Variants in MEPCE observed in about 807,000 individuals in gnomAD.
The protein encoded by MEPCE is methylphosphate capping enzyme.
MEPCE carries 9 observed loss-of-function variants against 52.3 expected under a neutral mutation model. The observed-to-expected ratio is 0.17, with a 90% CI of 0.10 to 0.30. The LOEUF (loss-of-function observed/expected upper bound fraction) is 0.30. Among genes scored for constraint, MEPCE ranks in the 10% least tolerant of loss-of-function variants. The pLI, the probability that MEPCE is intolerant of heterozygous loss-of-function variation, is 1.00. For missense variants in MEPCE, 826 were observed against 933.0 expected (o/e 0.89, Z 1.49); for synonymous variants, 477 against 401.6 (o/e 1.19, Z -2.25).
At chr7:100,433,184 A>C (rs1479889103) in intron 2 of MEPCE, 47 bp downstream of exon 2, 4 of 1,613,004 alleles carry the variant, frequency 2.5e-6, no homozygotes, top group Non-Finnish European at 3.4e-6. Context: ...TTGAGGCAAG[A>C]AAAGGCCCCG....
Position 100,430,353 on chromosome 7 carries a change from TG to T in MEPCE, c.340del (p.Glu114ArgfsTer42). On this transcript the variant is annotated frameshift_variant, in exon 1 of 4. Transcript: ENST00000310512. LOFTEE classifies it high-confidence loss of function. Reference sequence around the variant, plus strand: ...CCGGGGCGAGCCGCTCCCCCGGACGTGGGGGAGGAGCGCCGGGGAGGGGGCG... The same window carrying T: ...CCGGGGCGAGCCGCTCCCCCGGACGTGGGGAGGAGCGCCGGGGAGGGGGCG... ...DPPGRAAPPD[V>X]GEERRGGGGT... The T allele has an allele frequency of 7.0e-7, 1 of 1,431,716 alleles. No homozygotes were observed. The highest frequency in any genetic ancestry group is 9.1e-7 in the Non-Finnish European group (1 of 1,095,346). The allele number at this position is 1,431,716 out of a possible 1,614,324, so 88.7% of individuals were successfully genotyped here. A position where few individuals can be genotyped will look rare whatever the true frequency, so the allele number is the denominator to read the frequency against.
In MEPCE at chr7:100,431,703, G is replaced by A; in HGVS notation, c.1671+14G>A. On this transcript the variant is annotated intron_variant, in intron 1 of 3. Transcript: ENST00000310512. The stretch of plus-strand genomic sequence containing the variant: ...GTCTTCGTCACGGTAAGAGGGTCCA[G>A]AGGCTCTTGGAATAGGGGCCAGGTG... 6.4e-7 allele frequency: 1 copy of A among 1,562,720 alleles called. No homozygotes were observed.
Position 100,430,859 on chromosome 7 carries a change from A to C in MEPCE, c.841A>C (p.Ser281Arg), listed in dbSNP as rs1232884318. ...QQQQAAGGSE[S>R]HPVPPTAPLT... ...GCAGCAGGCAGCCGGAGGGAGTGAG[A>C]GTCACCCCGTGCCGCCCACAGCCCC... The change falls in exon 1 of 4, where the codon AGT (serine) becomes CGT (arginine). Residue 281 changes from serine to arginine, a missense_variant. Physicochemically the swap from Ser to Arg is moderately radical, Grantham distance 110 (BLOSUM62 -1). Coordinates refer to ENST00000310512, the MANE Select transcript of MEPCE (RefSeq NM_019606.6). 1 of 1,610,084 alleles carries C rather than the reference A, an allele frequency of 6.2e-7. No homozygotes were observed. The highest frequency in any genetic ancestry group is 8.5e-7 in the Non-Finnish European group (1 of 1,177,470).
chr7:100,429,945 C>T lies in MEPCE; in HGVS notation c.-74C>T, dbSNP rs1377531439. ...GCACTCGGGAAAGGGGGGAAGGGAGCAGGGTCCAGGCAGGGGGGGTTAGGC... is the reference window on the plus strand; with the variant it reads ...GCACTCGGGAAAGGGGGGAAGGGAGTAGGGTCCAGGCAGGGGGGGTTAGGC... On this transcript the variant is annotated 5_prime_UTR_variant, in exon 1 of 4. Transcript: ENST00000310512. 3 of 1,112,788 alleles carry T rather than the reference C, an allele frequency of 2.7e-6. No homozygotes were observed. The East Asian group carries it at 9.6e-5, about 36-fold the overall frequency. The allele number at this position is 1,112,788 out of a possible 1,614,324, so 68.9% of individuals were successfully genotyped here.
Position 100,433,449 on chromosome 7 carries a change from T to C in MEPCE, c.2018-53T>C, listed in dbSNP as rs564220637. The C allele has an allele frequency of 1.1e-4, 183 of 1,614,034 alleles. No homozygotes were observed. The Middle Eastern group carries it at 2.5e-3, about 22-fold the overall frequency. On this transcript the variant is annotated intron_variant, in intron 3 of 3. Coordinates refer to ENST00000310512, the MANE Select transcript of MEPCE (RefSeq NM_019606.6). ...CTGGCTGAAAGAGTGCAGACCCCCATGGGGATTCTTGAGGTGCTGCCAACC... is the reference window on the plus strand; with the variant it reads ...CTGGCTGAAAGAGTGCAGACCCCCACGGGGATTCTTGAGGTGCTGCCAACC...
At chr7:100,432,753 A>G (rs1381851665) in intron 1 of MEPCE, among the ~76,000 whole-genome samples, 166 bp from the exon 2 acceptor site, 1 of 152,182 alleles carries the variant, frequency 6.6e-6, no homozygotes, top group East Asian at 1.9e-4. Flanking sequence ...GTAGAGGAGA[A>G]AACAAAACTC....
At chr7:100,431,830 C>G in intron 1 of MEPCE, 141 bp downstream of exon 1, 3 of 784,742 alleles carry the variant, frequency 3.8e-6, no homozygotes, top group Non-Finnish European at 5.9e-6. Flanking sequence ...GGGCGTCTCT[C>G]CCCTCTTATA....
At chr7:100,433,464 T>G in intron 3 of MEPCE, 38 bp from the exon 4 acceptor site, 1 of 1,614,028 alleles carries the variant, frequency 6.2e-7, no homozygotes, top group East Asian at 2.2e-5. Context: ...ATTCTTGAGG[T>G]GCTGCCAACC....
rs200021429 is a variant in MEPCE, at chr7:100,432,992, G to A, written c.1745G>A (p.Ser582Asn). The change falls in exon 2 of 4, where the codon AGC (serine) becomes AAC (asparagine). Residue 582 changes from serine (S) to asparagine (N), a missense_variant. By Grantham distance (46) the Ser-to-Asn change is conservative. Transcript: ENST00000310512. ...TPEYDVVLCLSLTKWVHLNWG... is the reference protein window; with the variant it reads ...TPEYDVVLCLNLTKWVHLNWG... ...GAGTATGATGTGGTGCTCTGCCTCAGCCTCACCAAGTGGGTGCATCTGAAC... is the reference window on the plus strand; with the variant it reads ...GAGTATGATGTGGTGCTCTGCCTCAACCTCACCAAGTGGGTGCATCTGAAC... The A allele has an allele frequency of 1.8e-5, 29 of 1,614,036 alleles. No homozygotes were observed. Among genetic ancestry groups the A allele is most frequent in the Non-Finnish European group, 2.4e-5 (28 of 1,180,026 alleles).
At chr7:100,429,591 T>G, upstream of MEPCE, 3 of 157,106 alleles carry the variant, frequency 1.9e-5, no homozygotes, top group East Asian at 1.8e-4. Flanking sequence ...GGGTGTCAGT[T>G]TGGGGTGGTG....
rs753409952 is a variant in MEPCE at position 100,430,421 on chromosome 7, G to T, written c.403G>T (p.Gly135Cys). The T allele has an allele frequency of 5.2e-6, 8 of 1,552,342 alleles. No individual in the cohort carries two copies. Among genetic ancestry groups the T allele is most frequent in the Non-Finnish European group, 6.9e-6 (8 of 1,152,126 alleles). The part of the protein sequence containing the change: ...GPPAPPRPRN[G>C]YQPHRPPGGG... ...CCCTGCTCCTCCTCGACCCCGCAATGGCTATCAGCCCCACCGGCCACCTGG... is the reference window on the plus strand; with the variant it reads ...CCCTGCTCCTCCTCGACCCCGCAATTGCTATCAGCCCCACCGGCCACCTGG... Residue 135 changes from glycine to cysteine, a missense_variant, in exon 1 of 4, where the codon GGC becomes TGC. By Grantham distance (159) the Gly-to-Cys change is radical. Transcript: ENST00000310512.
chr7:100,431,085 C>T lies in MEPCE; in HGVS notation c.1067C>T (p.Pro356Leu), dbSNP rs1798677861. Residue 356 changes from proline to leucine, a missense_variant, in exon 1 of 4, where the codon CCA becomes CTA. By Grantham distance (98) the Pro-to-Leu change is moderately conservative. Coordinates refer to ENST00000310512, the MANE Select transcript of MEPCE (RefSeq NM_019606.6). ...PPAASVISAP[P>L]SSSSRHRKRR... is the part of the protein sequence containing the mutation. ...GCTGCCTCAGTTATCTCTGCACCCC[C>T]ATCTTCCTCCTCCCGACATCGCAAA... 6.2e-7 allele frequency: 1 copy of T among 1,613,844 alleles called. No homozygotes were observed. Among genetic ancestry groups the T allele is most frequent in the Non-Finnish European group, 8.5e-7 (1 of 1,180,040 alleles).
At position 100,433,314 on chromosome 7, in the gene MEPCE, A is replaced by G; in HGVS notation, c.1942A>G (p.Ser648Gly). The change falls in exon 3 of 4, where the codon AGT becomes GGT. Residue 648 changes from serine (S) to glycine (G), a missense_variant. This residue lies in a region of MEPCE where 82 missense variants were observed against 121.4 expected (regional missense o/e 0.68). Coordinates refer to ENST00000310512, the MANE Select transcript of MEPCE (RefSeq NM_019606.6). ...YRIQLKPEQF[S>G]SYLTSPDVGF... is the part of the protein sequence containing the mutation. The stretch of plus-strand genomic sequence containing the variant: ...AATCCAATTGAAGCCAGAGCAGTTC[A>G]GTTCCTACCTGACATCCCCAGACGT... 1 of 1,614,216 alleles carries G rather than the reference A, an allele frequency of 6.2e-7. No individual in the cohort carries two copies. Among genetic ancestry groups the G allele is most frequent in the Admixed American group, 1.7e-5 (1 of 60,036 alleles).
In MEPCE at chr7:100,431,451, G is replaced by T; in HGVS notation, c.1433G>T (p.Arg478Leu). The T allele has an allele frequency of 6.2e-7, 1 of 1,613,862 alleles. No homozygotes were observed. The highest frequency in any genetic ancestry group is 8.5e-7 in the Non-Finnish European group (1 of 1,180,026). The change falls in exon 1 of 4, where the codon CGG becomes CTG. Residue 478 changes from arginine to leucine, a missense_variant. By Grantham distance (102) the Arg-to-Leu change is moderately radical. Transcript: ENST00000310512. ...SRMVGLDIDS[R>L]LIHSARQNIR... is the part of the protein sequence containing the mutation. ...ATGGTGGGCCTGGATATCGATTCCC[G>T]GCTCATCCATTCTGCCCGCCAAAAC...
chr7:100,432,062 T>C (rs1023306458), intron 1 of MEPCE, among the ~76,000 whole-genome samples: 1 of 152,158 alleles, frequency 6.6e-6, no homozygotes, highest in African/African-American at 2.4e-5. Flanking sequence ...AGCCTGAGAA[T>C]GGGAGTCAGA....
chr7:100,431,214 A>G lies in MEPCE; in HGVS notation c.1196A>G (p.His399Arg), dbSNP rs200815895. ...GSWGGRHHHH[H>R]PLPAAGFKKQ... is the part of the protein sequence containing the mutation. ...TGGGGAGGCCGCCACCACCACCACC[A>G]CCCACTGCCTGCAGCAGGCTTCAAA... The change falls in exon 1 of 4, where the codon CAC becomes CGC. Residue 399 changes from histidine to arginine, a missense_variant. Around this residue, in one of 7 missense-constraint regions of MEPCE, gnomAD observed 307 missense variants for 292.1 expected, o/e 1.05. Coordinates refer to ENST00000310512, the MANE Select transcript of MEPCE (RefSeq NM_019606.6). The G allele has an allele frequency of 8.1e-6, 13 of 1,613,726 alleles. No individual in the cohort carries two copies. Among genetic ancestry groups the G allele is most frequent in the Non-Finnish European group, 1.1e-5 (13 of 1,180,004 alleles).
Position 100,433,250 on chromosome 7 carries a change from C to A in MEPCE, c.1891-13C>A. 6.2e-7 allele frequency: 1 copy of A among 1,614,132 alleles called. No homozygotes were observed. Among genetic ancestry groups the A allele is most frequent in the African/African-American group, 1.3e-5 (1 of 75,052 alleles). On this transcript the variant is annotated splice_polypyrimidine_tract_variant and intron_variant, in intron 2 of 3. Transcript: ENST00000310512. The stretch of plus-strand genomic sequence containing the variant: ...GGCAGCGTGCTGAAGTGGTCCCTTG[C>A]CTCTCTCCTTAGGAAACGATCTACA...
Position 100,433,880 on chromosome 7 carries a change from C to CTATTCTCTAGCCCTTA in MEPCE, c.*333_*334insTAGCCCTTATATTCTC. On this transcript the variant is annotated 3_prime_UTR_variant, in exon 4 of 4. Transcript: ENST00000310512. Reference sequence around the variant, plus strand: ...TATCAAATTCTCTAGCCCTTTCCTCCTATTCTCCCAAGGAGAGAGATTCCC... The same window carrying CTATTCTCTAGCCCTTA: ...TATCAAATTCTCTAGCCCTTTCCTCCTATTCTCTAGCCCTTATATTCTCCCAAGGAGAGAGATTCCC... 3.1e-6 allele frequency: 1 copy of CTATTCTCTAGCCCTTA among 318,184 alleles called. No homozygotes were observed. The allele number at this position is 318,184 out of a possible 1,614,324, so 19.7% of individuals were successfully genotyped here.
Position 100,433,027 on chromosome 7 carries a change from G to A in MEPCE, c.1780G>A (p.Glu594Lys), listed in dbSNP as rs1380290276. 2 of 1,614,016 alleles carry A rather than the reference G, an allele frequency of 1.2e-6. No homozygotes were observed. The highest frequency in any genetic ancestry group is 1.1e-5 in the South Asian group (1 of 91,086). The change falls in exon 2 of 4, where the codon GAG (glutamate) becomes AAG (lysine). Residue 594 changes from glutamate (E) to lysine (K), a missense_variant. Transcript: ENST00000310512. ...TKWVHLNWGD[E>K]GLKRMFRRIY... ...GTGGGTGCATCTGAACTGGGGAGAC[G>A]AGGGCCTGAAGCGCATGTTTCGCCG...
Sources: allele counts gnomAD v4.1 joint callset (sites outside exome capture counted in the v4.1 genomes callset), GRCh38; gene constraint gnomAD v4.1.1; regional missense constraint gnomAD v4.1.1; transcripts MANE v1.5; gene names NCBI Gene and HGNC (gene_info 2026-07-23, HGNC 2026-07-21).